Variants in H4C15 observed in about 807,000 individuals in gnomAD.
H4C15 encodes H4 clustered histone 15.
At chr1:149,850,161 T>G, downstream of H4C15, 1 of 618,076 alleles carries the variant, frequency 1.6e-6, no homozygotes, top group Non-Finnish European at 2.9e-6. Flanking sequence ...GTAAGCTTAC[T>G]TATAGCAATG....
chr1:149,848,063 T>C, the H4C15 span: 2 of 152,180 alleles, frequency 1.3e-5, no homozygotes, highest in Non-Finnish European at 2.9e-5. Flanking sequence ...AGGAAATTAG[T>C]ACAACTACTA....
downstream of H4C15, chr1:149,850,653 A>G (rs1553757696): frequency 2.2e-6 from 1 of 459,828 alleles, no homozygotes; most frequent in Non-Finnish European, 3.7e-6. Context: ...TTGTACACGT[A>G]GATGGAGTAG....
the H4C15 span, chr1:149,847,433 CAG>C: frequency 1.3e-5 from 2 of 152,332 alleles, no homozygotes; most frequent in African/African-American, 2.4e-5. Flanking sequence ...TCTTTGGAAA[CAG>C]GGTCTTTACA....
chr1:149,850,228 A>T, downstream of H4C15: 1 of 903,044 alleles, frequency 1.1e-6, no homozygotes, highest in Non-Finnish European at 1.8e-6. Flanking sequence ...TCCTAAAGTT[A>T]ACCAGACGTG....
the H4C15 span, chr1:149,848,400 G>A: frequency 1.3e-5 from 2 of 152,216 alleles, no homozygotes; most frequent in South Asian, 4.1e-4. Context: ...AAGGTTGGCT[G>A]AACTCCATGA....
downstream of H4C15, among the ~76,000 whole-genome samples, chr1:149,855,734 TTG>T (rs1177085725): frequency 2.8e-3 from 67 of 24,056 alleles, 1 homozygote; most frequent in Middle Eastern, 0.036. Context: ...TCTACACATT[TTG>T]TGTGTGTGTG....
At chr1:149,848,342 G>A in the H4C15 span, 1 of 152,104 alleles carries the variant, frequency 6.6e-6, no homozygotes, top group Non-Finnish European at 1.5e-5. Flanking sequence ...AAGTAAATAT[G>A]TCAGACAAAT....
the H4C15 span, chr1:149,848,266 TGAAA>T: frequency 6.6e-6 from 1 of 152,210 alleles, no homozygotes; most frequent in Non-Finnish European, 1.5e-5. Context: ...AGACCTTTCA[TGAAA>T]GGTCTTTCCT....
At chr1:149,848,236 A>C in the H4C15 span, 1 of 152,224 alleles carries the variant, frequency 6.6e-6, no homozygotes, top group African/African-American at 2.4e-5. Flanking sequence ...ACTCTGTCCT[A>C]ATTGACCCTA....
At chr1:149,850,464 G>A, downstream of H4C15, 1 of 951,460 alleles carries the variant, frequency 1.1e-6, no homozygotes, top group Non-Finnish European at 1.6e-6. Flanking sequence ...CAGCTCGCCG[G>A]GCAGCAGCAG....
chr1:149,847,267 T>C, the H4C15 span: 1 of 152,240 alleles, frequency 6.6e-6, no homozygotes, highest in Admixed American at 6.5e-5. Context: ...CTCTTGGCTA[T>C]ATAAGGTAAT....
the H4C15 span, chr1:149,844,676 T>C: frequency 6.6e-6 from 1 of 152,140 alleles, no homozygotes; most frequent in African/African-American, 2.4e-5. Context: ...CTTTTTTCTC[T>C]TATGTACCTA....
the H4C15 span, chr1:149,848,330 A>G: frequency 1.3e-5 from 2 of 152,202 alleles, no homozygotes; most frequent in Non-Finnish European, 2.9e-5. Flanking sequence ...TCAAACTGGT[A>G]TAAGTAAATA....
chr1:149,850,480 C>A (rs1216864653), downstream of H4C15: 63 of 892,356 alleles, frequency 7.1e-5, no homozygotes, highest in Non-Finnish European at 1.1e-4. Context: ...AGCAGGCGCA[C>A]GGCCGTCTGG....
At chr1:149,847,169 C>T in the H4C15 span, 1 of 152,230 alleles carries the variant, frequency 6.6e-6, no homozygotes, top group Admixed American at 6.5e-5. Flanking sequence ...TTTCTTGCCT[C>T]TCCTATAAGG....
downstream of H4C15, chr1:149,850,443 G>A (rs1450094627): frequency 8.5e-7 from 1 of 1,171,616 alleles, no homozygotes; most frequent in Non-Finnish European, 1.2e-6. Flanking sequence ...CTCGGACACG[G>A]CGTGCTTGGC....
At chr1:149,850,169 A>T, downstream of H4C15, 1 of 637,002 alleles carries the variant, frequency 1.6e-6, no homozygotes, top group Non-Finnish European at 2.8e-6. Context: ...ACTTATAGCA[A>T]TGCCTATGTG....
chr1:149,858,608 AGGAAGGAAG>A (rs1235663846), downstream of H4C15, among the ~76,000 whole-genome samples: 5,728 of 61,448 alleles, frequency 0.093, 1,105 homozygotes, highest in Non-Finnish European at 0.13. Flanking sequence ...AAAAAGAAAG[AGGAAGGAAG>A]GGAAGGAAGG....
At chr1:149,850,196 C>G (rs1483803277), downstream of H4C15, 4 of 709,018 alleles carry the variant, frequency 5.6e-6, no homozygotes, top group Non-Finnish European at 9.8e-6. Context: ...AAATAGTTAT[C>G]TGTGCTTGGT....
Sources: gnomAD v4.1 joint callset for allele counts (sites outside exome capture counted in the v4.1 genomes callset) on GRCh38, gnomAD v4.1.1 for gene constraint, MANE v1.5 for transcripts, NCBI Gene and HGNC (gene_info 2026-07-23, HGNC 2026-07-21) for gene names.